Variants in ISG20 observed in about 807,000 individuals in gnomAD.
The protein encoded by ISG20 is interferon-stimulated gene 20 kDa protein.
Under a neutral mutation model 11.1 loss-of-function variants are expected in ISG20, and 8 were observed. That is an observed-to-expected ratio of 0.72 (90% confidence interval 0.42 to 1.30). The LOEUF is 1.30. Ranked by LOEUF, ISG20 falls within the 50% of genes most tolerant of loss-of-function variation. The pLI is 0.01. For missense variants in ISG20, 243 were observed against 250.2 expected, an observed-to-expected ratio of 0.97 and a Z score of 0.19; for synonymous variants, 110 against 101.7, an observed-to-expected ratio of 1.08 and a Z score of -0.49.
At chr15:88,652,001 T>G in intron 2 of ISG20, 109 bp from the exon 3 acceptor site, 1 of 1,544,310 alleles carries the variant, frequency 6.5e-7, no homozygotes. Context: ...GACTGATAAT[T>G]TGCCCAAGGT....
At chr15:88,648,699 G>A (rs1263648312) in intron 2 of ISG20, 4 of 152,210 alleles carry the variant, frequency 2.6e-5, no homozygotes, top group African/African-American at 7.2e-5. Flanking sequence ...GTGTGACTTG[G>A]GCAAGCCCCT....
rs1415518294 is a variant in ISG20, at chr15:88,639,489, G to A, written c.123G>A (p.Lys41=). ...TCCACGGTGCTGTGCTGTACGACAA[G>A]TTCATCCGGCCTGAGGGAGAGATCA... ...VNVHGAVLYD[K]FIRPEGEITD... The change falls in exon 2 of 4, where the codon AAG becomes AAA. Residue 41 remains lysine, a synonymous_variant. Transcript: ENST00000306072. The surrounding 1 kb of genome is among the most constrained non-coding windows in gnomAD (Gnocchi z 4.2). 4.3e-6 allele frequency: 7 copies of A among 1,614,208 alleles called. No individual in the cohort carries two copies. The highest frequency in any genetic ancestry group is 1.6e-4 in the Middle Eastern group (1 of 6,062).
intron 3 of ISG20, among the ~76,000 whole-genome samples, chr15:88,654,302 G>A (rs937393321): frequency 1.3e-5 from 2 of 152,180 alleles, no homozygotes; most frequent in Non-Finnish European, 2.9e-5. Context: ...CATGCTACCT[G>A]CTTGCTGATT....
upstream of ISG20, among the ~76,000 whole-genome samples, chr15:88,638,224 T>A (rs1160619403): frequency 6.6e-6 from 1 of 152,216 alleles, no homozygotes; most frequent in Non-Finnish European, 1.5e-5. Flanking sequence ...CTCACCACAG[T>A]GAAAGACAAG....
chr15:88,655,492 A>T lies in ISG20; in HGVS notation c.507A>T (p.Arg169=). 6.2e-7 allele frequency: 1 copy of T among 1,613,536 alleles called. No homozygotes were observed. Among genetic ancestry groups the T allele is most frequent in the Non-Finnish European group, 8.5e-7 (1 of 1,180,008 alleles). ...TCTATCAAATCTCCCAGAGAATCCG[A>T]GCCCGCCGAGGGCTGCCCCGCCTGG... ...MELYQISQRI[R]ARRGLPRLAV... Residue 169 remains arginine (R), a synonymous_variant, in exon 4 of 4, where the codon CGA becomes CGT. Coordinates refer to ENST00000306072, the MANE Select transcript of ISG20 (RefSeq NM_002201.6).
intron 2 of ISG20, among the ~76,000 whole-genome samples, chr15:88,644,326 G>C (rs971139086): frequency 9.9e-5 from 15 of 152,006 alleles, no homozygotes; most frequent in African/African-American, 3.6e-4. Flanking sequence ...CAGAGGTCGG[G>C]AGTTTGAGAT....
upstream of ISG20, among the ~76,000 whole-genome samples, chr15:88,635,643 C>T (rs1178601569): frequency 1.3e-5 from 2 of 152,290 alleles, no homozygotes; most frequent in Non-Finnish European, 2.9e-5. Context: ...GACTGCATCC[C>T]GACATTGGTT....
At chr15:88,642,798 G>T (rs2058104800) in intron 2 of ISG20, among the ~76,000 whole-genome samples, 4 of 152,044 alleles carry the variant, frequency 2.6e-5, no homozygotes. Flanking sequence ...TGTATTTTCA[G>T]TAGAGACGGG....
chr15:88,650,295 C>T lies in ISG20; in HGVS notation c.229-1815C>T. On this transcript the variant is annotated intron_variant, in intron 2 of 3. Coordinates refer to ENST00000306072, the MANE Select transcript of ISG20 (RefSeq NM_002201.6). This position sits in a 1 kb window ranked among gnomAD's most constrained non-coding sequence, Gnocchi z 4.0. ...AAAGCAAGCTGACTGGCCTGTGTGA[C>T]CAGAGCAGGGCAGGCTGTCCATGTG... The T allele has an allele frequency of 6.5e-7, 1 of 1,535,660 alleles. No homozygotes were observed. The highest frequency in any genetic ancestry group is 8.7e-7 in the Non-Finnish European group (1 of 1,146,870).
At chr15:88,644,223 C>T (rs747416649) in intron 2 of ISG20, among the ~76,000 whole-genome samples, 2 of 151,982 alleles carry the variant, frequency 1.3e-5, no homozygotes, top group African/African-American at 2.4e-5. Flanking sequence ...TAGATGGGAG[C>T]GAGAAAAGAG....
chr15:88,645,433 G>A (rs1159997652), intron 2 of ISG20, among the ~76,000 whole-genome samples: 2 of 152,010 alleles, frequency 1.3e-5, no homozygotes, highest in East Asian at 1.9e-4. Context: ...GCTGACCCTC[G>A]TTTTCTGCCG....
At chr15:88,641,484 G>T (rs2058079940) in intron 2 of ISG20, among the ~76,000 whole-genome samples, 1 of 152,184 alleles carries the variant, frequency 6.6e-6, no homozygotes, top group African/African-American at 2.4e-5. Flanking sequence ...AGGGTTGTGA[G>T]TGGGAATCTG....
At chr15:88,654,283 C>T (rs573471570) in intron 3 of ISG20, among the ~76,000 whole-genome samples, 95 of 152,226 alleles carry the variant, frequency 6.2e-4, no homozygotes, top group African/African-American at 2.1e-3. Context: ...ACAGCGCAGA[C>T]GACGCCACCA....
Position 88,650,208 on chromosome 15 carries a change from T to C in ISG20, c.229-1902T>C, listed in dbSNP as rs1473882854. On this transcript the variant is annotated intron_variant, in intron 2 of 3. Transcript: ENST00000306072. This position sits in a 1 kb window ranked among gnomAD's most constrained non-coding sequence, Gnocchi z 4.0. ...AGCCACGAGCCGCCCCTTTCCCTAA[T>C]AGAGCTCACATCTGTTCTATTTTCA... is the stretch of plus-strand genomic sequence containing the variant. 2.6e-6 allele frequency: 4 copies of C among 1,530,068 alleles called. No individual in the cohort carries two copies. The Admixed American group carries it at 5.9e-5, about 23-fold the overall frequency. 94.8% of individuals were successfully genotyped at this position (1,530,068 alleles called of 1,614,324 possible).
chr15:88,635,758 G>C (rs1014688729), upstream of ISG20, among the ~76,000 whole-genome samples: 5 of 152,020 alleles, frequency 3.3e-5, no homozygotes, highest in African/African-American at 1.2e-4. Context: ...ATGGTAGTAA[G>C]TGATAAAATA....
chr15:88,644,759 C>T (rs763168519), intron 2 of ISG20, among the ~76,000 whole-genome samples: 4 of 152,122 alleles, frequency 2.6e-5, no homozygotes, highest in Admixed American at 6.5e-5. Flanking sequence ...AGGAGCTCCC[C>T]GCCCTCAGAT....
At chr15:88,638,658 T>A (rs2058023859), upstream of ISG20, 1 of 152,738 alleles carries the variant, frequency 6.5e-6, no homozygotes, top group African/African-American at 2.4e-5. Context: ...GCTCCAGAAG[T>A]TAGTTGTGGG....
At chr15:88,638,873 G>C (rs948853474), upstream of ISG20, 3 of 169,094 alleles carry the variant, frequency 1.8e-5, no homozygotes, top group African/African-American at 2.4e-5. Flanking sequence ...CCCACCTGCC[G>C]GTAGCCCAGG....
chr15:88,655,499 C>T lies in ISG20; in HGVS notation c.514C>T (p.Arg172Ter), dbSNP rs369479597. 38 of 1,613,648 alleles carry T rather than the reference C, an allele frequency of 2.4e-5. No homozygotes were observed. The highest frequency in any genetic ancestry group is 2.7e-5 in the African/African-American group (2 of 74,932). The part of the protein sequence containing the change: ...YQISQRIRAR[R>*]GLPRLAVSD Reference sequence around the variant, plus strand: ...AATCTCCCAGAGAATCCGAGCCCGCCGAGGGCTGCCCCGCCTGGCTGTGTC... The same window carrying T: ...AATCTCCCAGAGAATCCGAGCCCGCTGAGGGCTGCCCCGCCTGGCTGTGTC... The change falls in exon 4 of 4, where the codon CGA becomes TGA. Residue 172 changes from arginine (R) to a stop codon, truncating the protein, a stop_gained. Transcript: ENST00000306072. LOFTEE classifies it low-confidence loss of function (END_TRUNC).
Sources: gnomAD v4.1 joint callset for allele counts (sites outside exome capture counted in the v4.1 genomes callset) on GRCh38, gnomAD v4.1.1 for gene constraint, Gnocchi (gnomAD v3.1) non-coding constraint, MANE v1.5 for transcripts, NCBI Gene and HGNC (gene_info 2026-07-23, HGNC 2026-07-21) for gene names.